Variants in RNF40 observed in about 807,000 individuals in gnomAD.
RNF40 encodes ring finger protein 40.
RNF40 carries 39 observed loss-of-function variants against 123.3 expected under a neutral mutation model. The observed-to-expected ratio is 0.32, with a 90% CI of 0.24 to 0.41. The LOEUF is 0.41. Among genes scored for constraint, RNF40 ranks in the 10% least tolerant of loss-of-function variants. The probability of loss-of-function intolerance (pLI) is 1.00; values close to 1 mark genes in which losing one functional copy is unlikely to be tolerated. For synonymous variants in RNF40, 538 were observed against 526.0 expected (o/e 1.02, Z -0.31); for missense variants, 1,003 against 1,319.9 (o/e 0.76, Z 3.72).
Position 30,768,416 on chromosome 16 carries a change from T to G in RNF40, c.1865T>G (p.Leu622Arg). 6.2e-7 allele frequency: 1 copy of G among 1,613,802 alleles called. No individual in the cohort carries two copies. Among genetic ancestry groups the G allele is most frequent in the Non-Finnish European group, 8.5e-7 (1 of 1,179,928 alleles). Residue 622 changes from leucine (L) to arginine (R), a missense_variant, in exon 13 of 20, where the codon CTA becomes CGA. By Grantham distance (102) the Leu-to-Arg change is moderately radical. This residue lies in a region of RNF40 where 295 missense variants were observed against 331.7 expected (regional missense o/e 0.89). Coordinates refer to ENST00000324685, the MANE Select transcript of RNF40 (RefSeq NM_014771.4). This position sits in a 1 kb window ranked among gnomAD's most constrained non-coding sequence, Gnocchi z 4.1. ...RELREREGPS[L>R]GPPPVASALS... Reference sequence around the variant, plus strand: ...CTTCGGGAACGGGAAGGTCCCAGCCTAGGACCTCCACCTGTAGCCTCCGCT... The same window carrying G: ...CTTCGGGAACGGGAAGGTCCCAGCCGAGGACCTCCACCTGTAGCCTCCGCT...
chr16:30,762,296 TCCAGTGACGC>T (rs1377666812), upstream of RNF40: 16 of 472,756 alleles, frequency 3.4e-5, no homozygotes, highest in East Asian at 7.6e-5. Context: ...GGCAGTGGCG[TCCAGTGACGC>T]CCAGTGACGT....
rs190164026 is a variant in RNF40, at chr16:30,764,993, T to C, written c.705T>C (p.Arg235=). 3 of 1,613,286 alleles carry C rather than the reference T, an allele frequency of 1.9e-6. No individual in the cohort carries two copies. In the East Asian group the frequency reaches 6.7e-5, roughly 36 times the overall value. ...AGGCACACACCCGAGAGCTGGGCCG[T>C]GAGAACCGGCGACTGCAGGACTTGG... The part of the protein sequence containing the change: ...AAQAHTRELG[R]ENRRLQDLAT... The change falls in exon 6 of 20, where the codon CGT becomes CGC. Residue 235 remains arginine (R), a synonymous_variant. Transcript: ENST00000324685.
In RNF40 at chr16:30,776,015, G is replaced by A. The variant is rs1371843002; in HGVS notation, c.*1901G>A. ...GAAAGTGCCGATGGCCTGGGGCAGCGGTGCGAGGGTGGGAAAAACGCAGGA... is the reference window on the plus strand; with the variant it reads ...GAAAGTGCCGATGGCCTGGGGCAGCAGTGCGAGGGTGGGAAAAACGCAGGA... On this transcript the variant is annotated 3_prime_UTR_variant, in exon 20 of 20. Coordinates refer to ENST00000324685, the MANE Select transcript of RNF40 (RefSeq NM_014771.4). 1 of 152,258 alleles carries A rather than the reference G, an allele frequency of 6.6e-6. No homozygotes were observed. Among genetic ancestry groups the A allele is most frequent in the Non-Finnish European group, 1.5e-5 (1 of 68,064 alleles). The allele number at this position is 152,258 out of a possible 1,614,324, so 9.4% of individuals were successfully genotyped here.
chr16:30,763,018 C>T, intron 2 of RNF40, 100 bp from the exon 3 acceptor site: 6 of 1,305,178 alleles, frequency 4.6e-6, no homozygotes, highest in Non-Finnish European at 6.5e-6. Flanking sequence ...ATACCTCCAT[C>T]TCCCATGCAT....
chr16:30,775,174 C>G lies in RNF40; in HGVS notation c.*1060C>G, dbSNP rs767815876. On this transcript the variant is annotated 3_prime_UTR_variant, in exon 20 of 20. Transcript: ENST00000324685. ...CTGTTAATTGTGATGAATAAACGTT[C>G]AACCCTCGGCCTGCAGCCAGAGTAG... 9.2e-5 allele frequency: 33 copies of G among 359,702 alleles called. No homozygotes were observed. The highest frequency in any genetic ancestry group is 1.5e-4 in the Non-Finnish European group (27 of 181,712). 22.3% of individuals were successfully genotyped at this position (359,702 alleles called of 1,614,324 possible). A position where few individuals can be genotyped will look rare whatever the true frequency, so the allele number is the denominator to read the frequency against.
Position 30,762,377 on chromosome 16 carries a change from C to CGG in RNF40, c.-72+23_-72+24dup, listed in dbSNP as rs769646000. The CGG allele has an allele frequency of 3.9e-4, 267 of 676,232 alleles. No individual in the cohort carries two copies. The highest frequency in any genetic ancestry group is 5.3e-4 in the Non-Finnish European group (233 of 438,978). The allele number at this position is 676,232 out of a possible 1,614,324, so 41.9% of individuals were successfully genotyped here. On this transcript the variant is annotated intron_variant, in intron 1 of 19. Transcript: ENST00000324685. ...CTCCTGCTGGTGAGGGCTCTGGCGCCGGGGGGGACGGGATCCAGCAGGTGT... is the reference window on the plus strand; with the variant it reads ...CTCCTGCTGGTGAGGGCTCTGGCGCCGGGGGGGGGACGGGATCCAGCAGGTGT...
chr16:30,765,158 A>C (rs1366707167), intron 6 of RNF40, 23 bp from the exon 7 acceptor site: 1 of 1,613,400 alleles, frequency 6.2e-7, no homozygotes, highest in Non-Finnish European at 8.5e-7. Flanking sequence ...CCATCCAAGC[A>C]TCTGCTCCCT....
chr16:30,766,503 G>A lies in RNF40; in HGVS notation c.1238G>A (p.Arg413Gln), dbSNP rs972276488. The A allele has an allele frequency of 1.5e-5, 24 of 1,613,212 alleles. No homozygotes were observed. The highest frequency in any genetic ancestry group is 2.7e-5 in the African/African-American group (2 of 74,918). ...GTGAAGACCCAGCTAGACGAGGCTC[G>A]GGGCCTGCTGCTGGCCACAAAGAAC... is the stretch of plus-strand genomic sequence containing the variant. ...LQVKTQLDEA[R>Q]GLLLATKNSH... Residue 413 changes from arginine to glutamine, a missense_variant, in exon 10 of 20, where the codon CGG becomes CAG. Around this residue, in one of 11 missense-constraint regions of RNF40, gnomAD observed 274 missense variants for 356.9 expected, o/e 0.77. Transcript: ENST00000324685. This position sits in a 1 kb window ranked among gnomAD's most constrained non-coding sequence, Gnocchi z 5.4.
intron 4 of RNF40, among the ~76,000 whole-genome samples, chr16:30,763,850 G>A (rs1298090730): frequency 6.6e-6 from 1 of 152,192 alleles, no homozygotes; most frequent in Non-Finnish European, 1.5e-5. Flanking sequence ...CTTGCTATAA[G>A]GGAGGAAATT....
chr16:30,767,049 G>A (rs1404985586), intron 11 of RNF40, among the ~76,000 whole-genome samples, 173 bp downstream of exon 11: 1 of 152,128 alleles, frequency 6.6e-6, no homozygotes, highest in Non-Finnish European at 1.5e-5. Context: ...GTGAGGGTCC[G>A]CCAGCTGGGG....
In RNF40 at chr16:30,768,036, G is replaced by A. The variant is rs775434197; in HGVS notation, c.1551+21G>A. ...GCAAGGTGAGAAGGGGCCTGCCTGGGAAAAGGTTTGGCTAGACTCCAGTGA... is the reference window on the plus strand; with the variant it reads ...GCAAGGTGAGAAGGGGCCTGCCTGGAAAAAGGTTTGGCTAGACTCCAGTGA... On this transcript the variant is annotated intron_variant, in intron 12 of 19. Coordinates refer to ENST00000324685, the MANE Select transcript of RNF40 (RefSeq NM_014771.4). This position sits in a 1 kb window ranked among gnomAD's most constrained non-coding sequence, Gnocchi z 4.1. 1 of 1,614,226 alleles carries A rather than the reference G, an allele frequency of 6.2e-7. No individual in the cohort carries two copies. The highest frequency in any genetic ancestry group is 1.1e-5 in the South Asian group (1 of 91,086).
chr16:30,770,119 A>ATGGATTTTTTTTT (rs144255833), intron 17 of RNF40, among the ~76,000 whole-genome samples: 1 of 98,850 alleles, frequency 1.0e-5, no homozygotes, highest in Non-Finnish European at 2.0e-5. Flanking sequence ...AAAACAAAAG[A>ATGGATTTTTTTTT]TTTTTGAGTT....
At chr16:30,770,925 T>G (rs2151333590) in intron 17 of RNF40, among the ~76,000 whole-genome samples, 1 of 152,308 alleles carries the variant, frequency 6.6e-6, no homozygotes, top group Admixed American at 6.5e-5. Context: ...TTTGCCAGGC[T>G]GGTCTCAAAC....
At chr16:30,769,452 C>T in intron 16 of RNF40, 23 bp from the exon 17 acceptor site, 4 of 1,614,062 alleles carry the variant, frequency 2.5e-6, no homozygotes, top group Non-Finnish European at 3.4e-6. Context: ...GGTCATGGCC[C>T]TGAGTCCTCC....
rs2053877943 is a variant in RNF40 at position 30,762,558 on chromosome 16, G to A, written c.13G>A (p.Gly5Ser). The change falls in exon 2 of 20, where the codon GGC becomes AGC. Residue 5 changes from glycine (G) to serine (S), a missense_variant. Gly to Ser is a moderately conservative substitution (Grantham distance 56). Coordinates refer to ENST00000324685, the MANE Select transcript of RNF40 (RefSeq NM_014771.4). ...AGCCGCCGCGGCCATGTCTGGGCCAGGCAACAAACGCGCCGCCGGCGACGG... is the reference window on the plus strand; with the variant it reads ...AGCCGCCGCGGCCATGTCTGGGCCAAGCAACAAACGCGCCGCCGGCGACGG... MSGP[G>S]NKRAAGDGGS... is the part of the protein sequence containing the mutation. The A allele has an allele frequency of 6.3e-7, 1 of 1,599,876 alleles. No homozygotes were observed. The highest frequency in any genetic ancestry group is 8.5e-7 in the Non-Finnish European group (1 of 1,177,726).
chr16:30,766,850 A>AGGCGG lies in RNF40; in HGVS notation c.1404_1405insGCGGG (p.Asn469AlafsTer20), dbSNP rs756395074. 6.2e-7 allele frequency: 1 copy of AGGCGG among 1,613,630 alleles called. No homozygotes were observed. On this transcript the variant is annotated frameshift_variant, in exon 11 of 20. Coordinates refer to ENST00000324685, the MANE Select transcript of RNF40 (RefSeq NM_014771.4). LOFTEE classifies it high-confidence loss of function. The surrounding 1 kb of genome is among the most constrained non-coding windows in gnomAD (Gnocchi z 5.4). ...GAGATGCTGCGCATCGAGTTTGAGC[A>AGGCGG]GAATCTGGCGGCCAACGAGCAGGCG... is the stretch of plus-strand genomic sequence containing the variant.
Position 30,768,447 on chromosome 16 carries a change from A to G in RNF40, c.1896A>G (p.Ser632=). 6.2e-7 allele frequency: 1 copy of G among 1,613,098 alleles called. No individual in the cohort carries two copies. Among genetic ancestry groups the G allele is most frequent in the Non-Finnish European group, 8.5e-7 (1 of 1,179,488 alleles). The change falls in exon 13 of 20, where the codon TCA becomes TCG. Residue 632 remains serine (S), a synonymous_variant. Transcript: ENST00000324685. The surrounding 1 kb of genome is among the most constrained non-coding windows in gnomAD (Gnocchi z 4.1). ...LGPPPVASAL[S]RADREKAKVE... ...CTCCACCTGTAGCCTCCGCTCTCTC[A>G]AGGGCTGATCGGGAGAAGGCCAAGG...
chr16:30,771,665 G>A (rs2054150332), intron 17 of RNF40, among the ~76,000 whole-genome samples, 168 bp from the exon 18 acceptor site: 1 of 152,122 alleles, frequency 6.6e-6, no homozygotes, highest in South Asian at 2.1e-4. Context: ...CACACGGGAG[G>A]AACTGGAGAG....
Position 30,772,209 on chromosome 16 carries a change from T to G in RNF40, c.2829+19T>G. The G allele has an allele frequency of 2.8e-5, 43 of 1,533,072 alleles. No individual in the cohort carries two copies. The highest frequency in any genetic ancestry group is 3.7e-5 in the Non-Finnish European group (42 of 1,129,978). The allele number at this position is 1,533,072 out of a possible 1,614,324, so 95.0% of individuals were successfully genotyped here. A position where few individuals can be genotyped will look rare whatever the true frequency, so the allele number is the denominator to read the frequency against. On this transcript the variant is annotated intron_variant, in intron 19 of 19. Transcript: ENST00000324685. ...GTACAAGGTGGGGCTGTGGGCCAAG[T>G]TGTGCCCTATCCACCTGAGAATTGT...
Sources: gnomAD v4.1 joint callset for allele counts (sites outside exome capture counted in the v4.1 genomes callset) on GRCh38, gnomAD v4.1.1 for gene constraint, gnomAD v4.1.1 regional missense constraint, Gnocchi (gnomAD v3.1) non-coding constraint, MANE v1.5 for transcripts, NCBI Gene and HGNC (gene_info 2026-07-23, HGNC 2026-07-21) for gene names.